Variants in RNF169 observed in about 807,000 individuals in gnomAD.
RNF169 encodes E3 ubiquitin-protein ligase RNF169.
Under a neutral mutation model 53.9 loss-of-function variants are expected in RNF169, and 24 were observed. The ratio of observed to expected loss-of-function variants is 0.45; its 90% CI spans 0.32 to 0.63. RNF169 has a LOEUF of 0.63. RNF169 is among the 20% of genes least tolerant of loss of function. RNF169 has a pLI of 0.04. For synonymous variants in RNF169, 396 were observed against 363.5 expected, an observed-to-expected ratio of 1.09 and a Z score of -1.02; for missense variants, 883 against 906.2, an observed-to-expected ratio of 0.97 and a Z score of 0.33.
chr11:74,766,653 G>A (rs2035178754), intron 1 of RNF169, among the ~76,000 whole-genome samples: 1 of 152,174 alleles, frequency 6.6e-6, no homozygotes, highest in Non-Finnish European at 1.5e-5. Context: ...TTGATTAGGG[G>A]AGGATAGAAA....
In RNF169 at chr11:74,748,891, C is replaced by G; in HGVS notation, c.11C>G (p.Ala4Gly). ...CAAACGGGAAACAAGATGGCGGCTG[C>G]AGGTCCGAGTACTCGGGCCTCTTCC... Reference protein sequence around the residue: MAAAGPSTRASSAA... With the variant: MAAGGPSTRASSAA... Residue 4 changes from alanine (A) to glycine (G), a missense_variant, in exon 1 of 6, where the codon GCA becomes GGA. Ala to Gly is a moderately conservative substitution (Grantham distance 60, BLOSUM62 0). This residue lies in a region of RNF169 where 313 missense variants were observed against 279.9 expected (regional missense o/e 1.12). Coordinates refer to ENST00000299563, the MANE Select transcript of RNF169 (RefSeq NM_001098638.2). 7.0e-7 allele frequency: 1 copy of G among 1,426,702 alleles called. No homozygotes were observed. Among genetic ancestry groups the G allele is most frequent in the Non-Finnish European group, 9.3e-7 (1 of 1,078,596 alleles). 88.4% of individuals were successfully genotyped at this position (1,426,702 alleles called of 1,614,324 possible).
intron 1 of RNF169, among the ~76,000 whole-genome samples, chr11:74,787,028 T>C (rs1031017122): frequency 2.0e-5 from 3 of 152,202 alleles, no homozygotes; most frequent in Non-Finnish European, 4.4e-5. Context: ...AAGATTATGC[T>C]CCTTATGTTG....
rs146911908 is a variant in RNF169 at position 74,785,217 on chromosome 11, A to G, written c.503-4409A>G. Reference sequence around the variant, plus strand: ...TATATGATATATATATATGATATATATATGTTATATATATTATATATATGT... The same window carrying G: ...TATATGATATATATATATGATATATGTATGTTATATATATTATATATATGT... On this transcript the variant is annotated intron_variant, in intron 1 of 5. Coordinates refer to ENST00000299563, the MANE Select transcript of RNF169 (RefSeq NM_001098638.2). Among the ~76,000 whole-genome samples, 368 of 115,948 alleles carry G rather than the reference A, an allele frequency of 3.2e-3. 4 individuals carry two copies. The highest frequency in any genetic ancestry group is 0.015 in the African/African-American group (358 of 24,002). The allele number at this position is 115,948 out of a possible 152,430, so 76.1% of individuals were successfully genotyped here.
chr11:74,764,307 G>A (rs904858760), intron 1 of RNF169, among the ~76,000 whole-genome samples: 1 of 152,246 alleles, frequency 6.6e-6, no homozygotes, highest in Admixed American at 6.5e-5. Flanking sequence ...GCCGAGGTGG[G>A]CGGATCGCTC....
At chr11:74,749,619 C>T (rs930242739) in intron 1 of RNF169, among the ~76,000 whole-genome samples, 1 of 152,204 alleles carries the variant, frequency 6.6e-6, no homozygotes, top group Admixed American at 6.5e-5. Flanking sequence ...TTACGTAAGT[C>T]CGAAGTTTGG....
At chr11:74,795,038 T>C (rs925942983) in intron 2 of RNF169, among the ~76,000 whole-genome samples, 4 of 152,068 alleles carry the variant, frequency 2.6e-5, no homozygotes, top group African/African-American at 7.2e-5. Context: ...ACTGCTGGGC[T>C]CAAACAATCC....
At chr11:74,758,758 C>T (rs959676958) in intron 1 of RNF169, among the ~76,000 whole-genome samples, 10 of 152,200 alleles carry the variant, frequency 6.6e-5, no homozygotes, top group Non-Finnish European at 1.5e-4. Context: ...CCCACCTTGG[C>T]CTCCCAAAGT....
In RNF169 at chr11:74,767,231, G is replaced by A. The variant is rs189638732; in HGVS notation, c.502+17849G>A. ...CACAACCAAGTAGCAGTTATTCAAA[G>A]AATAGGAGTTTGGCTTAACATTAGG... On this transcript the variant is annotated intron_variant, in intron 1 of 5. Transcript: ENST00000299563. 4.7e-4 allele frequency among the ~76,000 whole-genome samples: 72 copies of A among 152,170 alleles called. 2 individuals are homozygous for A. In the South Asian group the frequency reaches 7.7e-3, roughly 16 times the overall value.
intron 4 of RNF169, among the ~76,000 whole-genome samples, chr11:74,824,397 A>G (rs1199174366): frequency 2.6e-5 from 4 of 152,202 alleles, no homozygotes; most frequent in Non-Finnish European, 5.9e-5. Context: ...GTGTACCAAT[A>G]TACACAAAAT....
chr11:74,774,848 A>G (rs1170545154), intron 1 of RNF169, among the ~76,000 whole-genome samples: 1 of 152,142 alleles, frequency 6.6e-6, no homozygotes, highest in African/African-American at 2.4e-5. Context: ...AATCGTAGCT[A>G]CTTGAGAGAC....
In RNF169 at chr11:74,840,344, G is replaced by C. The variant is rs1274926318; in HGVS notation, c.*3614G>C. ...CTGGTCCCATTTAGAAAACTGACCA[G>C]CACCCAGCAAGCTGCATTCTACATT... On this transcript the variant is annotated 3_prime_UTR_variant, in exon 6 of 6. Transcript: ENST00000299563. The C allele has an allele frequency of 2.0e-5, 3 of 152,202 alleles. No homozygotes were observed. Among genetic ancestry groups the C allele is most frequent in the African/African-American group, 7.2e-5 (3 of 41,442 alleles). 9.4% of individuals were successfully genotyped at this position (152,202 alleles called of 1,614,324 possible). A position where few individuals can be genotyped will look rare whatever the true frequency, so the allele number is the denominator to read the frequency against.
At chr11:74,756,409 T>C (rs1362495490) in intron 1 of RNF169, among the ~76,000 whole-genome samples, 6 of 152,238 alleles carry the variant, frequency 3.9e-5, no homozygotes, top group Non-Finnish European at 8.8e-5. Flanking sequence ...TTGGATACTC[T>C]CTGTGTCTTA....
At chr11:74,750,504 T>G (rs1345440322) in intron 1 of RNF169, among the ~76,000 whole-genome samples, 1 of 151,698 alleles carries the variant, frequency 6.6e-6, no homozygotes, top group Non-Finnish European at 1.5e-5. Flanking sequence ...CACCTGTCAC[T>G]GTCCTAGGAT....
intron 1 of RNF169, among the ~76,000 whole-genome samples, chr11:74,785,231 T>TATGATATATATATGATA (rs1415945901): frequency 1.4e-4 from 12 of 86,976 alleles, no homozygotes; most frequent in African/African-American, 7.9e-4. Flanking sequence ...GTTATATATA[T>TATGATATATATATGATA]TATATATATG....
intron 1 of RNF169, among the ~76,000 whole-genome samples, chr11:74,755,028 A>T (rs2135303101): frequency 6.6e-6 from 1 of 152,332 alleles, no homozygotes; most frequent in Middle Eastern, 3.4e-3. Context: ...CCTAAATTAC[A>T]TTTAGGACTA....
intron 4 of RNF169, among the ~76,000 whole-genome samples, chr11:74,818,669 T>G (rs891656277): frequency 6.6e-6 from 1 of 152,158 alleles, no homozygotes; most frequent in African/African-American, 2.4e-5. Flanking sequence ...GCTGGAATTA[T>G]AGGTGTGAGC....
intron 4 of RNF169, chr11:74,831,822 T>C (rs2036183272): frequency 6.6e-6 from 1 of 151,882 alleles, no homozygotes; most frequent in Admixed American, 6.6e-5. Context: ...TGGAATAGAG[T>C]TGAGAGTCCA....
At chr11:74,773,795 CTG>C (rs2035291584) in intron 1 of RNF169, among the ~76,000 whole-genome samples, 2 of 152,308 alleles carry the variant, frequency 1.3e-5, no homozygotes, top group Admixed American at 6.5e-5. Flanking sequence ...ATCTTAAACT[CTG>C]TGCCTAAATT....
intron 4 of RNF169, among the ~76,000 whole-genome samples, chr11:74,829,629 T>G (rs535274080): frequency 6.6e-6 from 1 of 152,268 alleles, no homozygotes; most frequent in South Asian, 2.1e-4. Flanking sequence ...AAAGAAAATG[T>G]GGTACGTATA....
Sources: allele counts gnomAD v4.1 joint callset (sites outside exome capture counted in the v4.1 genomes callset), GRCh38; gene constraint gnomAD v4.1.1; regional missense constraint gnomAD v4.1.1; transcripts MANE v1.5; gene names NCBI Gene and HGNC (gene_info 2026-07-23, HGNC 2026-07-21).